The following LIPK variants were observed in gnomAD, a reference collection of about 807,000 sequenced individuals.
LIPK encodes the protein lipase family member K, also known as lipase member K.
In LIPK, 32 loss-of-function variants were observed where a neutral mutation model predicts 48.6. The observed-to-expected ratio is 0.66, with a 90% CI of 0.50 to 0.88. The LOEUF is 0.88. Among genes scored for constraint, LIPK ranks in the 40% least tolerant of loss-of-function variants. The pLI, the probability that LIPK is intolerant of heterozygous loss-of-function variation, is 0.00. For missense variants in LIPK, 507 were observed against 478.5 expected, an observed-to-expected ratio of 1.06 and a Z score of -0.56; for synonymous variants, 164 against 157.4, an observed-to-expected ratio of 1.04 and a Z score of -0.32.
At chr10:88,732,050 A>G in intron 4 of LIPK, 128 bp from the exon 5 acceptor site, 3 of 572,896 alleles carry the variant, frequency 5.2e-6, no homozygotes, top group South Asian at 5.8e-5. Context: ...GTTGCCTAAT[A>G]TCATATATCG....
rs935296065 is a variant in LIPK at position 88,731,055 on chromosome 10, A to G, written c.296A>G (p.Asn99Ser). Residue 99 changes from asparagine (N) to serine (S), a missense_variant, in exon 4 of 10, where the codon AAC becomes AGC. Asn to Ser is a conservative substitution (Grantham distance 46). Transcript: ENST00000404190. ...SASNWICNLP[N>S]NSLAFLLADS... is the part of the protein sequence containing the mutation. ...AGTAACTGGATTTGCAACCTGCCCA[A>G]CAACAGTTTGGCTTTCCTTCTGGCA... is the stretch of plus-strand genomic sequence containing the variant. 7 of 1,602,120 alleles carry G rather than the reference A, an allele frequency of 4.4e-6. No individual in the cohort carries two copies. Among genetic ancestry groups the G allele is most frequent in the African/African-American group, 4.0e-5 (3 of 74,800 alleles).
intron 1 of LIPK, among the ~76,000 whole-genome samples, chr10:88,713,891 A>G (rs974712550): frequency 2.1e-4 from 31 of 149,806 alleles, no homozygotes; most frequent in African/African-American, 7.3e-4. Context: ...CAGAGGTTGC[A>G]GTGAGCCAAG....
At position 88,726,958 on chromosome 10, in the gene LIPK, T is replaced by C. The variant is rs771188428; in HGVS notation, c.223+46T>C. The C allele has an allele frequency of 1.1e-5, 12 of 1,093,648 alleles. No homozygotes were observed. In the South Asian group the frequency reaches 1.6e-4, roughly 15 times the overall value. The allele number at this position is 1,093,648 out of a possible 1,614,324, so 67.7% of individuals were successfully genotyped here. ...AAAGGAAAAATACTTAAAGCAGAGG[T>C]ACTTAGATGTCCTGGGAGAAGTCAA... On this transcript the variant is annotated intron_variant, in intron 3 of 9. Transcript: ENST00000404190.
At chr10:88,728,443 C>G in intron 3 of LIPK, 1 of 193,230 alleles carries the variant, frequency 5.2e-6, no homozygotes. Context: ...TCAGCCGGCT[C>G]CACCATGAGA....
chr10:88,722,889 C>CTTTTTTTTTTTTTTTTTTTTTTTTTTTTT, intron 1 of LIPK, among the ~76,000 whole-genome samples: 1 of 113,206 alleles, frequency 8.8e-6, no homozygotes, highest in Non-Finnish European at 1.7e-5. Context: ...TTTCTTTTTT[C>CTTTTTTTTTTTTTTTTTTTTTTTTTTTTT]TTTTTTTTTT....
At chr10:88,726,994 T>C (rs1417173231) in intron 3 of LIPK, 82 bp downstream of exon 3, 3 of 796,384 alleles carry the variant, frequency 3.8e-6, no homozygotes, top group Non-Finnish European at 4.1e-6. Flanking sequence ...GCAGTTTTTG[T>C]TCTGAAATTC....
At position 88,732,198 on chromosome 10, in the gene LIPK, A is replaced by T. The variant is rs764504280; in HGVS notation, c.443A>T (p.Tyr148Phe). 5.0e-6 allele frequency: 8 copies of T among 1,603,078 alleles called. No homozygotes were observed. Among genetic ancestry groups the T allele is most frequent in the Non-Finnish European group, 6.0e-6 (7 of 1,172,398 alleles). The change falls in exon 5 of 10, where the codon TAT becomes TTT. Residue 148 changes from tyrosine (Y) to phenylalanine (F), a missense_variant. By Grantham distance (22) the Tyr-to-Phe change is conservative. Coordinates refer to ENST00000404190, the MANE Select transcript of LIPK (RefSeq NM_001080518.2). ...WAFSLDEMAK[Y>F]DLPATINFII... ...GATAGTTTGGATGAGATGGCTAAAT[A>T]TGACCTTCCAGCCACAATCAATTTT...
intron 1 of LIPK, among the ~76,000 whole-genome samples, chr10:88,722,377 G>A (rs1009468674): frequency 1.3e-5 from 2 of 152,158 alleles, no homozygotes; most frequent in Non-Finnish European, 2.9e-5. Context: ...CTGCATGCTA[G>A]GTCTCAGATA....
intron 1 of LIPK, among the ~76,000 whole-genome samples, chr10:88,707,646 C>T (rs528549855): frequency 6.6e-6 from 1 of 152,212 alleles, no homozygotes; most frequent in Admixed American, 6.5e-5. Flanking sequence ...GGCCTCTTAA[C>T]CTATTTGAAA....
intron 6 of LIPK, among the ~76,000 whole-genome samples, chr10:88,734,198 C>T (rs531777311): frequency 8.5e-5 from 13 of 152,210 alleles, no homozygotes; most frequent in African/African-American, 2.9e-4. Flanking sequence ...GCTAGGCAAA[C>T]TCAGAGAAAA....
intron 6 of LIPK, among the ~76,000 whole-genome samples, chr10:88,735,269 T>G (rs919163384): frequency 2.6e-5 from 4 of 152,168 alleles, no homozygotes; most frequent in Non-Finnish European, 5.9e-5. Flanking sequence ...CCCTGGACAT[T>G]TATGCGTTTG....
chr10:88,741,011 G>A (rs1399565981), intron 8 of LIPK, among the ~76,000 whole-genome samples: 1 of 152,130 alleles, frequency 6.6e-6, no homozygotes, highest in Non-Finnish European at 1.5e-5. Flanking sequence ...CTGACGAGGA[G>A]ACAGATAGGT....
At chr10:88,737,870 T>G in intron 7 of LIPK, 89 bp downstream of exon 7, 1 of 1,397,824 alleles carries the variant, frequency 7.2e-7, no homozygotes. Flanking sequence ...CAACTGCAAT[T>G]CAAGGTTTCC....
At chr10:88,728,738 C>A in intron 3 of LIPK, 2 of 279,098 alleles carry the variant, frequency 7.2e-6, no homozygotes, top group Non-Finnish European at 1.5e-5. Context: ...GTGGGCTGGG[C>A]TCGGCCTCAC....
At chr10:88,709,026 A>C (rs896484758) in intron 1 of LIPK, among the ~76,000 whole-genome samples, 1 of 152,346 alleles carries the variant, frequency 6.6e-6, no homozygotes, top group Middle Eastern at 3.4e-3. Flanking sequence ...AGTTTAATGA[A>C]AAATGATTAA....
chr10:88,710,490 T>C (rs895471713), intron 1 of LIPK, among the ~76,000 whole-genome samples: 14 of 152,294 alleles, frequency 9.2e-5, no homozygotes, highest in African/African-American at 3.4e-4. Context: ...ATCTTAGCAA[T>C]TACCCCAGTC....
chr10:88,725,649 T>C (rs1842322521), intron 2 of LIPK, among the ~76,000 whole-genome samples: 1 of 152,238 alleles, frequency 6.6e-6, no homozygotes, highest in African/African-American at 2.4e-5. Context: ...ATTGTTAATC[T>C]ACCTGAACAT....
At chr10:88,736,537 TCA>T (rs138650115) in intron 6 of LIPK, among the ~76,000 whole-genome samples, 2,806 of 152,298 alleles carry the variant, frequency 0.018, 86 homozygotes, top group African/African-American at 0.064. Flanking sequence ...AAATAGATTG[TCA>T]CACAAATAAA....
At chr10:88,713,076 T>C (rs908976580) in intron 1 of LIPK, among the ~76,000 whole-genome samples, 3 of 152,146 alleles carry the variant, frequency 2.0e-5, no homozygotes, top group Non-Finnish European at 4.4e-5. Flanking sequence ...GGAGACACAG[T>C]ATAGAGAGGT....
Sources: gnomAD v4.1 joint callset for allele counts (sites outside exome capture counted in the v4.1 genomes callset) on GRCh38, gnomAD v4.1.1 for gene constraint, MANE v1.5 for transcripts, NCBI Gene and HGNC (gene_info 2026-07-23, HGNC 2026-07-21) for gene names.